CCDC170: variants seen among roughly 807,000 people sequenced by gnomAD.
The protein encoded by CCDC170 is coiled-coil domain-containing protein 170.
CCDC170 carries 69 observed loss-of-function variants against 72.6 expected under a neutral mutation model. The ratio of observed to expected loss-of-function variants is 0.95; its 90% CI spans 0.78 to 1.16. The LOEUF is 1.16. CCDC170 is among the 50% of genes most tolerant of loss of function. CCDC170 has a pLI of 0.00. For synonymous variants in CCDC170, 300 were observed against 303.9 expected (o/e 0.99, Z 0.13); for missense variants, 852 against 832.5 (o/e 1.02, Z -0.29).
At chr6:151,600,314 C>G (rs1275745403) in intron 9 of CCDC170, among the ~76,000 whole-genome samples, 2 of 152,114 alleles carry the variant, frequency 1.3e-5, no homozygotes, top group Non-Finnish European at 1.5e-5. Context: ...TGAACATTAG[C>G]AAAAATAGCT....
intron 10 of CCDC170, among the ~76,000 whole-genome samples, chr6:151,616,264 C>T (rs553720379): frequency 1.3e-5 from 2 of 151,886 alleles, no homozygotes. Context: ...ACTTGATGGC[C>T]GACCAGGCAC....
chr6:151,537,323 C>A (rs763753804), intron 2 of CCDC170, among the ~76,000 whole-genome samples: 1 of 152,122 alleles, frequency 6.6e-6, no homozygotes, highest in African/African-American at 2.4e-5. Flanking sequence ...CCCCATAGAA[C>A]GATGAGTTGA....
intron 1 of CCDC170, among the ~76,000 whole-genome samples, chr6:151,497,990 T>G (rs1483992851): frequency 6.9e-6 from 1 of 144,748 alleles, no homozygotes; most frequent in Non-Finnish European, 1.5e-5. Flanking sequence ...AGTGACCTAA[T>G]TATAAAATAG....
At chr6:151,562,676 G>C (rs997033469) in intron 5 of CCDC170, among the ~76,000 whole-genome samples, 1 of 152,178 alleles carries the variant, frequency 6.6e-6, no homozygotes, top group East Asian at 1.9e-4. Flanking sequence ...TTGTGGAATA[G>C]CACTAAGCTC....
Position 151,586,034 on chromosome 6 carries a change from C to A in CCDC170, c.1238C>A (p.Ala413Glu). 1 of 1,614,158 alleles carries A rather than the reference C, an allele frequency of 6.2e-7. No individual in the cohort carries two copies. The highest frequency in any genetic ancestry group is 8.5e-7 in the Non-Finnish European group (1 of 1,180,018). Residue 413 changes from alanine to glutamate, a missense_variant, in exon 7 of 11, where the codon GCA (alanine) becomes GAA (glutamate). Transcript: ENST00000239374. Reference sequence around the variant, plus strand: ...CAGGGTCAGCTGACACACCTGGAGGCAGAGCTGGTTTCTGGAGGTGTTTTG... The same window carrying A: ...CAGGGTCAGCTGACACACCTGGAGGAAGAGCTGGTTTCTGGAGGTGTTTTG... ...TLQGQLTHLE[A>E]ELVSGGVLRD...
At chr6:151,518,659 C>A (rs1782270569) in intron 1 of CCDC170, among the ~76,000 whole-genome samples, 1 of 152,118 alleles carries the variant, frequency 6.6e-6, no homozygotes, top group South Asian at 2.1e-4. Context: ...AACCAGCCCC[C>A]AATATTTCAA....
intron 1 of CCDC170, among the ~76,000 whole-genome samples, chr6:151,502,967 A>T (rs1782013352): frequency 6.6e-6 from 1 of 152,120 alleles, no homozygotes; most frequent in Admixed American, 6.6e-5. Flanking sequence ...CAAGAGATGG[A>T]GACCATCCTG....
rs755564426 is a variant in CCDC170 at position 151,615,493 on chromosome 6, A to T, written c.1761A>T (p.Arg587Ser). Residue 587 changes from arginine to serine, a missense_variant, in exon 10 of 11, where the codon AGA (arginine) becomes AGT (serine). Physicochemically the swap from Arg to Ser is moderately radical, Grantham distance 110. Coordinates refer to ENST00000239374, the MANE Select transcript of CCDC170 (RefSeq NM_025059.4). ...TKAIEDLNKS[R>S]DQLEKMKEKA... ...CCATTGAAGATCTAAACAAATCCAG[A>T]GACCAACTGGAGAAGATGAAGGAGA... is the stretch of plus-strand genomic sequence containing the variant. 6 of 1,614,162 alleles carry T rather than the reference A, an allele frequency of 3.7e-6. No individual in the cohort carries two copies.
intron 1 of CCDC170, among the ~76,000 whole-genome samples, chr6:151,505,542 G>T (rs983242645): frequency 8.5e-5 from 13 of 152,080 alleles, no homozygotes; most frequent in African/African-American, 2.7e-4. Context: ...AAATTAGCCG[G>T]GCGTGGTGGC....
chr6:151,607,052 C>A (rs1027134408), intron 9 of CCDC170, among the ~76,000 whole-genome samples: 3 of 151,924 alleles, frequency 2.0e-5, no homozygotes, highest in Non-Finnish European at 2.9e-5. Context: ...AAAAAAAATC[C>A]ATTTAGCCAC....
intron 1 of CCDC170, among the ~76,000 whole-genome samples, chr6:151,511,961 C>T (rs1309891198): frequency 6.6e-6 from 1 of 152,052 alleles, no homozygotes; most frequent in Non-Finnish European, 1.5e-5. Context: ...CATCTCCCAC[C>T]TCAGCCTCCT....
At chr6:151,556,052 C>G in intron 5 of CCDC170, among the ~76,000 whole-genome samples, 1 of 152,118 alleles carries the variant, frequency 6.6e-6, no homozygotes, top group East Asian at 1.9e-4. Flanking sequence ...TCAAGGCCAA[C>G]CTGGGCAACA....
intron 5 of CCDC170, among the ~76,000 whole-genome samples, chr6:151,568,353 G>A (rs1223177186): frequency 2.0e-5 from 3 of 152,070 alleles, no homozygotes; most frequent in East Asian, 1.9e-4. Flanking sequence ...GGTGTAATTC[G>A]AAGGAAATAG....
chr6:151,611,053 G>A (rs190734075), intron 9 of CCDC170, among the ~76,000 whole-genome samples: 19 of 152,212 alleles, frequency 1.2e-4, no homozygotes, highest in South Asian at 4.1e-4. Context: ...TGAGGTGGGC[G>A]GATCACAAGG....
In CCDC170 at chr6:151,548,492, A is replaced by T; in HGVS notation, c.774+3A>T. On this transcript the variant is annotated splice_donor_region_variant and intron_variant, in intron 5 of 10. Coordinates refer to ENST00000239374, the MANE Select transcript of CCDC170 (RefSeq NM_025059.4). ...AAGAGAAAGAGAAGCTGAACCAGGT[A>T]TGATATGTGAAGTATACGTGTGCAT... is the stretch of plus-strand genomic sequence containing the variant. The T allele has an allele frequency of 6.4e-7, 1 of 1,571,544 alleles. No individual in the cohort carries two copies. Among genetic ancestry groups the T allele is most frequent in the Non-Finnish European group, 8.6e-7 (1 of 1,161,286 alleles).
In CCDC170 at chr6:151,573,457, G is replaced by A. The variant is rs1255825762; in HGVS notation, c.1058G>A (p.Arg353Gln). 11 of 1,614,084 alleles carry A rather than the reference G, an allele frequency of 6.8e-6. No individual in the cohort carries two copies. Among genetic ancestry groups the A allele is most frequent in the East Asian group, 4.5e-5 (2 of 44,874 alleles). ...GAGGACACCATTTTGGAGAAGATTC[G>A]AGAAATGGACAGCCGGGAAGAAAGC... ...STEDTILEKI[R>Q]EMDSREESRD... The change falls in exon 6 of 11, where the codon CGA becomes CAA. Residue 353 changes from arginine (R) to glutamine (Q), a missense_variant. Physicochemically the swap from Arg to Gln is conservative, Grantham distance 43 (BLOSUM62 1). Coordinates refer to ENST00000239374, the MANE Select transcript of CCDC170 (RefSeq NM_025059.4).
At chr6:151,533,659 C>T (rs1390766442) in intron 1 of CCDC170, among the ~76,000 whole-genome samples, 1 of 80,196 alleles carries the variant, frequency 1.2e-5, no homozygotes, top group African/African-American at 5.3e-5. Flanking sequence ...AAGAGCGAAA[C>T]TCCATCTCAA....
chr6:151,530,206 A>T (rs1286893140), intron 1 of CCDC170, among the ~76,000 whole-genome samples: 1 of 151,948 alleles, frequency 6.6e-6, no homozygotes, highest in African/African-American at 2.4e-5. Flanking sequence ...GCTAAAGAGT[A>T]CCTTTCTGAA....
At chr6:151,526,245 T>C (rs9371530) in intron 1 of CCDC170, among the ~76,000 whole-genome samples, 134,817 of 150,458 alleles carry the variant, frequency 0.9, 60,544 homozygotes, top group East Asian at 0.99. Context: ...TTTTTTGAGA[T>C]GGCGTCTCTC....
Sources: gnomAD v4.1 joint callset for allele counts (sites outside exome capture counted in the v4.1 genomes callset) on GRCh38, gnomAD v4.1.1 for gene constraint, MANE v1.5 for transcripts, NCBI Gene and HGNC (gene_info 2026-07-23, HGNC 2026-07-21) for gene names.